The following FOXN3 variants were observed in gnomAD, a reference collection of about 807,000 sequenced individuals.
FOXN3 encodes the protein forkhead box protein N3.
FOXN3 carries 7 observed loss-of-function variants against 38.4 expected under a neutral mutation model. The ratio of observed to expected loss-of-function variants is 0.18; its 90% confidence interval spans 0.10 to 0.34. The LOEUF is 0.34. Among genes scored for constraint, FOXN3 ranks in the 10% least tolerant of loss-of-function variants. The probability of loss-of-function intolerance (pLI) is 1.00; values close to 1 mark genes in which losing one functional copy is unlikely to be tolerated. For synonymous variants in FOXN3, 230 were observed against 242.2 expected, an observed-to-expected ratio of 0.95 and a Z score of 0.47; for missense variants, 456 against 613.4, an observed-to-expected ratio of 0.74 and a Z score of 2.71.
At chr14:89,204,083 A>G (rs1353073036) in intron 4 of FOXN3, among the ~76,000 whole-genome samples, 1 of 149,696 alleles carries the variant, frequency 6.7e-6, no homozygotes, top group South Asian at 2.1e-4. Context: ...ACACACACAC[A>G]CACACACACA....
chr14:89,274,252 G>A (rs781112812), intron 4 of FOXN3, among the ~76,000 whole-genome samples: 2 of 152,184 alleles, frequency 1.3e-5, no homozygotes. Context: ...TGACATCCTG[G>A]TCATATCAGA....
At chr14:89,400,338 A>G (rs1891213744) in intron 2 of FOXN3, among the ~76,000 whole-genome samples, 1 of 152,122 alleles carries the variant, frequency 6.6e-6, no homozygotes, top group Admixed American at 6.5e-5. Context: ...AAATCTCTTT[A>G]TTTTCCAACA....
chr14:89,296,561 C>T (rs1272841223), intron 3 of FOXN3, among the ~76,000 whole-genome samples: 2 of 152,174 alleles, frequency 1.3e-5, no homozygotes. Flanking sequence ...TCTAGTAGGG[C>T]CAGTTTGGTT....
At chr14:89,212,834 G>A (rs1448329697) in intron 4 of FOXN3, among the ~76,000 whole-genome samples, 2 of 152,126 alleles carry the variant, frequency 1.3e-5, no homozygotes, top group African/African-American at 4.8e-5. Context: ...CTCCAGGAGG[G>A]CTCTGCTGGT....
chr14:89,466,860 G>C (rs1014566127), intron 1 of FOXN3, among the ~76,000 whole-genome samples: 9 of 152,182 alleles, frequency 5.9e-5, no homozygotes, highest in South Asian at 2.1e-4. Flanking sequence ...ACGGCAAGGT[G>C]GGGGCACACT....
In FOXN3 at chr14:89,543,051, TTGAC is replaced by T. The variant is rs1894822133; in HGVS notation, c.-15+75973_-15+75976del. ...GCTACAAAAGGAGAAAAGACACTCT[TTGAC>T]TGAAGTGTAAGAGGAAGGAATACAC... On this transcript the variant is annotated intron_variant, in intron 1 of 6. Coordinates refer to the FOXN3 transcript ENST00000345097. Among the ~76,000 whole-genome samples the T allele has an allele frequency of 2.3e-4, 5 of 21,816 alleles. No homozygotes were observed. The South Asian group carries it at 7.4e-3, about 32-fold the overall frequency. The allele number at this position is 21,816 out of a possible 152,430, so 14.3% of individuals were successfully genotyped here. A position where few individuals can be genotyped will look rare whatever the true frequency, so the allele number is the denominator to read the frequency against.
chr14:89,524,357 G>GCAAGA lies in FOXN3; in HGVS notation c.-15+94666_-15+94670dup, dbSNP rs1277703692. On this transcript the variant is annotated intron_variant, in intron 1 of 6. Coordinates refer to the FOXN3 transcript ENST00000345097. ...ACCACTGCACTCCAGCCTGGCGACA[G>GCAAGA]CAAGACTCCATCTCAAAAAAAAAAA... 2.3e-3 allele frequency among the ~76,000 whole-genome samples: 159 copies of GCAAGA among 69,642 alleles called. 3 individuals are homozygous for GCAAGA. Among genetic ancestry groups the GCAAGA allele is most frequent in the African/African-American group, 7.8e-3 (154 of 19,812 alleles). The allele number at this position is 69,642 out of a possible 152,430, so 45.7% of individuals were successfully genotyped here. A position where few individuals can be genotyped will look rare whatever the true frequency, so the allele number is the denominator to read the frequency against.
intron 1 of FOXN3, among the ~76,000 whole-genome samples, chr14:89,584,242 A>T (rs1404975752): frequency 2.0e-5 from 3 of 152,028 alleles, no homozygotes; most frequent in Non-Finnish European, 4.4e-5. Flanking sequence ...TACTAAAAAT[A>T]TTTTAAAAAT....
At chr14:89,447,634 C>T (rs2139705887) in intron 1 of FOXN3, among the ~76,000 whole-genome samples, 1 of 152,052 alleles carries the variant, frequency 6.6e-6, no homozygotes, top group South Asian at 2.1e-4. Flanking sequence ...GAAACACACC[C>T]CATGCCTAGG....
At chr14:89,260,436 A>T (rs916749416) in intron 4 of FOXN3, among the ~76,000 whole-genome samples, 3 of 152,212 alleles carry the variant, frequency 2.0e-5, no homozygotes, top group African/African-American at 7.2e-5. Flanking sequence ...GCAATCAGCA[A>T]GAAAAGAGGG....
intron 1 of FOXN3, among the ~76,000 whole-genome samples, chr14:89,459,139 G>C (rs1490024193): frequency 1.3e-5 from 2 of 151,858 alleles, no homozygotes; most frequent in African/African-American, 2.4e-5. Context: ...AACAAGACCT[G>C]TGCTTGGTGA....
chr14:89,332,381 G>C (rs7158506), intron 3 of FOXN3, among the ~76,000 whole-genome samples: 7,220 of 152,186 alleles, frequency 0.047, 578 homozygotes, highest in African/African-American at 0.16. Flanking sequence ...AAAAAGTACA[G>C]TCAGTTCCCA....
At chr14:89,497,099 C>T (rs973939110) in intron 1 of FOXN3, among the ~76,000 whole-genome samples, 7 of 152,034 alleles carry the variant, frequency 4.6e-5, no homozygotes, top group Non-Finnish European at 7.4e-5. Context: ...GGATTACAGG[C>T]GCCCACCACC....
At position 89,464,938 on chromosome 14, in the gene FOXN3, C is replaced by T. The variant is rs763326973; in HGVS notation, c.-14-52448G>A. Among the ~76,000 whole-genome samples the T allele has an allele frequency of 3.9e-5, 6 of 152,134 alleles. No individual in the cohort carries two copies. The East Asian group carries it at 9.7e-4, about 24-fold the overall frequency. ...GTCTCGAACACCTGACCTCGTGATA[C>T]GCCCACCTTGGCCACCCAAAGTGCT... On this transcript the variant is annotated intron_variant, in intron 1 of 6. Coordinates refer to the FOXN3 transcript ENST00000345097.
intron 1 of FOXN3, among the ~76,000 whole-genome samples, chr14:89,538,351 C>A (rs984086853): frequency 6.6e-6 from 1 of 152,144 alleles, no homozygotes; most frequent in East Asian, 1.9e-4. Context: ...GATCAAAAAA[C>A]GAAGGCCTCT....
intron 4 of FOXN3, among the ~76,000 whole-genome samples, chr14:89,221,516 A>T (rs1439887026): frequency 1.3e-5 from 2 of 152,234 alleles, no homozygotes; most frequent in Non-Finnish European, 2.9e-5. Flanking sequence ...AAAGCCTTGC[A>T]AATCCCTTAA....
intron 4 of FOXN3, among the ~76,000 whole-genome samples, chr14:89,274,100 C>A (rs891693591): frequency 6.6e-6 from 1 of 152,148 alleles, no homozygotes; most frequent in Non-Finnish European, 1.5e-5. Flanking sequence ...GGGCTTCAAG[C>A]TCCAACCAAA....
At chr14:89,218,813 G>C (rs891753453) in intron 4 of FOXN3, among the ~76,000 whole-genome samples, 5 of 152,180 alleles carry the variant, frequency 3.3e-5, no homozygotes, top group African/African-American at 1.2e-4. Context: ...TGTGAAATGA[G>C]AGGTCTGGAC....
intron 1 of FOXN3, among the ~76,000 whole-genome samples, chr14:89,466,773 T>G (rs1262481510): frequency 6.6e-6 from 1 of 152,172 alleles, no homozygotes; most frequent in Admixed American, 6.5e-5. Flanking sequence ...TACCACTCCC[T>G]TTGGGTTTTA....
Sources: allele counts gnomAD v4.1 joint callset (sites outside exome capture counted in the v4.1 genomes callset), GRCh38; gene constraint gnomAD v4.1.1; transcripts MANE v1.5; gene names NCBI Gene and HGNC (gene_info 2026-07-23, HGNC 2026-07-21).